Variants in GRIA2 observed in about 807,000 individuals in gnomAD.
GRIA2 encodes glutamate receptor 2.
Under a neutral mutation model 97.3 loss-of-function variants are expected in GRIA2, and 14 were observed. That is an observed-to-expected ratio of 0.14 (90% CI 0.10 to 0.23). The LOEUF is 0.23. Ranked by LOEUF, GRIA2 falls within the 10% of genes least tolerant of loss-of-function variation. GRIA2 has a pLI of 1.00. For missense variants in GRIA2, 558 were observed against 1,069.8 expected (o/e 0.52, Z 6.67); for synonymous variants, 412 against 387.8 (o/e 1.06, Z -0.73).
chr4:157,226,232 C>A (rs1292272775), intron 2 of GRIA2, among the ~76,000 whole-genome samples: 1 of 151,636 alleles, frequency 6.6e-6, no homozygotes, highest in Non-Finnish European at 1.5e-5. Context: ...TTCTCCAAGC[C>A]AGCAGATGGA....
chr4:157,355,933 T>TAAA (rs1560781153), intron 12 of GRIA2, among the ~76,000 whole-genome samples: 1 of 23,472 alleles, frequency 4.3e-5, no homozygotes, highest in South Asian at 2.1e-3. Context: ...TTATATATAT[T>TAAA]TATATATTAA....
intron 11 of GRIA2, among the ~76,000 whole-genome samples, chr4:157,340,656 A>G (rs1434197269): frequency 6.6e-6 from 1 of 151,878 alleles, no homozygotes; most frequent in Admixed American, 6.6e-5. Context: ...TTATTCATTA[A>G]TAGTTATATT....
At chr4:157,307,636 T>G (rs770384941) in intron 3 of GRIA2, among the ~76,000 whole-genome samples, 2 of 152,246 alleles carry the variant, frequency 1.3e-5, no homozygotes, top group Non-Finnish European at 2.9e-5. Flanking sequence ...GTTTTATTTT[T>G]GGATATATAT....
intron 2 of GRIA2, among the ~76,000 whole-genome samples, chr4:157,223,149 G>A (rs1190642115): frequency 6.6e-6 from 1 of 152,114 alleles, no homozygotes; most frequent in Non-Finnish European, 1.5e-5. Context: ...CCCATTTTAA[G>A]CTTTAGTCAT....
At chr4:157,331,151 T>G (rs916611998) in intron 6 of GRIA2, among the ~76,000 whole-genome samples, 2 of 152,014 alleles carry the variant, frequency 1.3e-5, no homozygotes, top group Admixed American at 1.3e-4. Flanking sequence ...GTAATAGGCT[T>G]AAGACTTGAT....
chr4:157,335,920 T>C (rs1735263970), intron 10 of GRIA2, 43 bp downstream of exon 10: 1 of 1,295,292 alleles, frequency 7.7e-7, no homozygotes, highest in African/African-American at 1.5e-5. Context: ...TCAATTTGAA[T>C]TGTTGTTGAC....
rs547291680 is a variant in GRIA2 at position 157,283,014 on chromosome 4, C to T, written c.230-20538C>T. Among the ~76,000 whole-genome samples, 11 of 152,032 alleles carry T rather than the reference C, an allele frequency of 7.2e-5. No homozygotes were observed. The South Asian group carries it at 1.7e-3, about 23-fold the overall frequency. ...TGGTGGAAAAATCAGTGTTTTAAAA[C>T]GGATTTTATTTTTGAAATGTGAGGT... On this transcript the variant is annotated intron_variant, in intron 2 of 15. Coordinates refer to ENST00000264426, the MANE Select transcript of GRIA2 (RefSeq NM_001083619.3).
intron 2 of GRIA2, among the ~76,000 whole-genome samples, chr4:157,254,245 T>C (rs1731143278): frequency 6.6e-6 from 1 of 152,086 alleles, no homozygotes; most frequent in South Asian, 2.1e-4. Flanking sequence ...CTCTCTATTT[T>C]CTGTGTGTAC....
Position 157,221,051 on chromosome 4 carries a change from G to T in GRIA2, c.9G>T (p.Lys3Asn). 2 of 1,563,896 alleles carry T rather than the reference G, an allele frequency of 1.3e-6. No homozygotes were observed. Among genetic ancestry groups the T allele is most frequent in the Non-Finnish European group, 1.8e-6 (2 of 1,134,126 alleles). ...CTCTACTTTTCTTGGAAATGCAAAA[G>T]ATTATGCATATTTCTGTCCTCCTTT... The part of the protein sequence containing the change: MQ[K>N]IMHISVLLSP... The change falls in exon 1 of 16, where the codon AAG becomes AAT. Residue 3 changes from lysine (K) to asparagine (N), a missense_variant. By Grantham distance (94) the Lys-to-Asn change is moderately conservative. Coordinates refer to ENST00000264426, the MANE Select transcript of GRIA2 (RefSeq NM_001083619.3).
At chr4:157,325,333 AG>A (rs1734756473) in intron 6 of GRIA2, among the ~76,000 whole-genome samples, 1 of 152,202 alleles carries the variant, frequency 6.6e-6, no homozygotes, top group African/African-American at 2.4e-5. Context: ...AAATAACTAA[AG>A]TCATGGCACT....
At chr4:157,357,172 A>G (rs551794021) in intron 12 of GRIA2, among the ~76,000 whole-genome samples, 3 of 152,282 alleles carry the variant, frequency 2.0e-5, no homozygotes, top group African/African-American at 7.2e-5. Context: ...AAATGCATAT[A>G]TTCTGAATTG....
At chr4:157,326,505 A>G (rs968795178) in intron 6 of GRIA2, among the ~76,000 whole-genome samples, 2 of 152,312 alleles carry the variant, frequency 1.3e-5, no homozygotes, top group Admixed American at 6.5e-5. Flanking sequence ...ATCAACAAAT[A>G]AAGAAAAGCA....
intron 2 of GRIA2, among the ~76,000 whole-genome samples, chr4:157,276,803 T>C (rs748534076): frequency 3.3e-5 from 5 of 151,880 alleles, no homozygotes; most frequent in Non-Finnish European, 7.4e-5. Flanking sequence ...TTAAATGGAA[T>C]TATAATGTAA....
Position 157,303,845 on chromosome 4 carries a change from T to C in GRIA2, c.469+54T>C, listed in dbSNP as rs973551889. On this transcript the variant is annotated intron_variant, in intron 3 of 15. Coordinates refer to ENST00000264426, the MANE Select transcript of GRIA2 (RefSeq NM_001083619.3). ...ATGGGGCGAATTCAATGCCTACACT[T>C]GACACTTCTATGGATGTTATAAAGC... The C allele has an allele frequency of 3.9e-6, 6 of 1,557,046 alleles. No individual in the cohort carries two copies. The African/African-American group carries it at 8.1e-5, about 21-fold the overall frequency.
intron 2 of GRIA2, among the ~76,000 whole-genome samples, chr4:157,284,643 T>G (rs1732757690): frequency 6.6e-6 from 1 of 151,732 alleles, no homozygotes; most frequent in African/African-American, 2.4e-5. Flanking sequence ...CAAATTCCAC[T>G]GTATTCTTAC....
At chr4:157,248,650 TAC>T (rs1561009565) in intron 2 of GRIA2, among the ~76,000 whole-genome samples, 16 of 142,574 alleles carry the variant, frequency 1.1e-4, no homozygotes, top group African/African-American at 4.1e-4. Context: ...TGTATATATA[TAC>T]ATACGTATAT....
intron 2 of GRIA2, among the ~76,000 whole-genome samples, chr4:157,259,807 A>G (rs1249318329): frequency 6.6e-6 from 1 of 152,086 alleles, no homozygotes. Flanking sequence ...TAATTTTTAA[A>G]ATTCCTTATA....
chr4:157,277,479 G>C (rs909820103), intron 2 of GRIA2, among the ~76,000 whole-genome samples: 8 of 151,750 alleles, frequency 5.3e-5, no homozygotes, highest in African/African-American at 1.9e-4. Flanking sequence ...ACAAAGCAAG[G>C]ATGTTCTCTT....
chr4:157,263,858 G>A (rs1217789954), intron 2 of GRIA2, among the ~76,000 whole-genome samples: 3 of 151,918 alleles, frequency 2.0e-5, no homozygotes, highest in South Asian at 2.1e-4. Context: ...TTCTGGTGGC[G>A]ATTTACACTC....
Sources: allele counts gnomAD v4.1 joint callset (sites outside exome capture counted in the v4.1 genomes callset), GRCh38; gene constraint gnomAD v4.1.1; transcripts MANE v1.5; gene names NCBI Gene and HGNC (gene_info 2026-07-23, HGNC 2026-07-21).